The following CNTN5 variants were observed in gnomAD, a reference collection of about 807,000 sequenced individuals.
CNTN5 encodes the protein contactin-5.
CNTN5 carries 77 observed loss-of-function variants against 129.1 expected under a neutral mutation model. The ratio of observed to expected loss-of-function variants is 0.60; its 90% confidence interval spans 0.50 to 0.72. The LOEUF (loss-of-function observed/expected upper bound fraction) is 0.72, where lower values mean the gene tolerates loss of function less well. Among genes scored for constraint, CNTN5 ranks in the 30% least tolerant of loss-of-function variants. The pLI is 0.00. For missense variants in CNTN5, 1,478 were observed against 1,328.8 expected (o/e 1.11, Z -1.75); for synonymous variants, 509 against 465.6 (o/e 1.09, Z -1.20).
chr11:100,056,438 A>G (rs1943227076), intron 9 of CNTN5, among the ~76,000 whole-genome samples: 1 of 151,728 alleles, frequency 6.6e-6, no homozygotes, highest in Non-Finnish European at 1.5e-5. Flanking sequence ...GAAAAAAAAA[A>G]GCTAAAAATA....
chr11:100,349,582 A>G (rs75727669), intron 23 of CNTN5, among the ~76,000 whole-genome samples: 2,659 of 152,004 alleles, frequency 0.017, 36 homozygotes, highest in Middle Eastern at 0.024. Flanking sequence ...TTTCCCAGCC[A>G]GGAAGGTATA....
At chr11:99,587,439 C>G (rs996048816) in intron 3 of CNTN5, among the ~76,000 whole-genome samples, 2 of 152,194 alleles carry the variant, frequency 1.3e-5, no homozygotes, top group Non-Finnish European at 2.9e-5. Flanking sequence ...GCTATGGGAG[C>G]TAGTTCCCTG....
intron 8 of CNTN5, among the ~76,000 whole-genome samples, chr11:99,982,470 G>C (rs957669400): frequency 6.6e-6 from 1 of 152,038 alleles, no homozygotes; most frequent in Non-Finnish European, 1.5e-5. Context: ...GTTTTAATTA[G>C]AATTATGTCT....
At chr11:99,157,140 A>C (rs1344199587) in intron 1 of CNTN5, among the ~76,000 whole-genome samples, 1 of 152,072 alleles carries the variant, frequency 6.6e-6, no homozygotes, top group African/African-American at 2.4e-5. Context: ...TCATTGGGTT[A>C]CAGTATATAT....
chr11:99,364,293 G>A (rs1939309976), intron 2 of CNTN5, among the ~76,000 whole-genome samples: 1 of 152,054 alleles, frequency 6.6e-6, no homozygotes, highest in South Asian at 2.1e-4. Context: ...ACAGTTCACT[G>A]CAATAATACA....
intron 3 of CNTN5, among the ~76,000 whole-genome samples, chr11:99,795,465 A>G (rs1935346962): frequency 6.6e-6 from 1 of 152,110 alleles, no homozygotes; most frequent in African/African-American, 2.4e-5. Context: ...CTGGGGAACT[A>G]GCATGATCAT....
chr11:100,023,501 A>G (rs995758422), intron 9 of CNTN5, among the ~76,000 whole-genome samples: 12 of 152,214 alleles, frequency 7.9e-5, no homozygotes, highest in Non-Finnish European at 1.2e-4. Flanking sequence ...ACCTACAGTG[A>G]CATATTATTA....
Position 100,061,359 on chromosome 11 carries a change from A to G in CNTN5, c.1128A>G (p.Gly376=). The change falls in exon 10 of 25, where the codon GGA becomes GGG. Residue 376 remains glycine, a synonymous_variant. Transcript: ENST00000524871. ...AGTGCAGAGCTGAAAACTCACGTGG[A>G]AAAAATTCCTTTCGTGGACAATTAC... is the stretch of plus-strand genomic sequence containing the variant. ...IYECRAENSR[G]KNSFRGQLQV... 6.3e-7 allele frequency: 1 copy of G among 1,599,668 alleles called. No individual in the cohort carries two copies. Among genetic ancestry groups the G allele is most frequent in the South Asian group, 1.1e-5 (1 of 89,878 alleles).
intron 9 of CNTN5, among the ~76,000 whole-genome samples, chr11:100,047,807 T>G (rs991201130): frequency 6.6e-6 from 1 of 151,042 alleles, no homozygotes; most frequent in Non-Finnish European, 1.5e-5. Context: ...GGACATTATC[T>G]AATCCATTGA....
chr11:99,093,153 T>C (rs2135324199), intron 1 of CNTN5, among the ~76,000 whole-genome samples: 1 of 152,214 alleles, frequency 6.6e-6, no homozygotes. Context: ...TATAGATGAC[T>C]AGAAACAACT....
At chr11:100,088,176 A>G (rs567219614) in intron 13 of CNTN5, among the ~76,000 whole-genome samples, 2 of 152,140 alleles carry the variant, frequency 1.3e-5, no homozygotes, top group East Asian at 3.9e-4. Context: ...CTCAGAGACT[A>G]TTATGAACAC....
At chr11:99,406,411 C>G (rs1591635734) in intron 2 of CNTN5, among the ~76,000 whole-genome samples, 1 of 148,316 alleles carries the variant, frequency 6.7e-6, no homozygotes, top group Non-Finnish European at 1.5e-5. Flanking sequence ...CTCTCTCTCT[C>G]TCTCTCTGTT....
Position 99,809,457 on chromosome 11 carries a change from A to C in CNTN5, c.56-10087A>C, listed in dbSNP as rs1946367435. Reference sequence around the variant, plus strand: ...ATGTGGGATATATAATAATCATTTCACGTTAAATAAATTTTAAATCCTATA... The same window carrying C: ...ATGTGGGATATATAATAATCATTTCCCGTTAAATAAATTTTAAATCCTATA... On this transcript the variant is annotated intron_variant, in intron 3 of 24. Transcript: ENST00000524871. Among the ~76,000 whole-genome samples, 3 of 152,150 alleles carry C rather than the reference A, an allele frequency of 2.0e-5. No individual in the cohort carries two copies. The South Asian group carries it at 6.2e-4, about 31-fold the overall frequency.
chr11:99,524,676 A>G (rs928313712), intron 2 of CNTN5, among the ~76,000 whole-genome samples: 3 of 151,926 alleles, frequency 2.0e-5, no homozygotes, highest in Non-Finnish European at 4.4e-5. Context: ...GATGATGGGT[A>G]CCTGTAATCT....
At chr11:100,129,329 A>G (rs1279687470) in intron 13 of CNTN5, among the ~76,000 whole-genome samples, 1 of 152,144 alleles carries the variant, frequency 6.6e-6, no homozygotes. Flanking sequence ...CTGGGTTTTC[A>G]AAGTAGATTT....
At chr11:99,796,480 C>T (rs1435056073) in intron 3 of CNTN5, among the ~76,000 whole-genome samples, 1 of 152,026 alleles carries the variant, frequency 6.6e-6, no homozygotes, top group African/African-American at 2.4e-5. Context: ...TGACCTGGTG[C>T]ACTTCACAAA....
chr11:99,779,991 GT>G (rs752592770), intron 3 of CNTN5, among the ~76,000 whole-genome samples: 3 of 151,966 alleles, frequency 2.0e-5, no homozygotes, highest in Admixed American at 6.6e-5. Flanking sequence ...ATTGTCCATA[GT>G]TTCTTGATAC....
At chr11:99,805,003 A>G (rs1161003725) in intron 3 of CNTN5, among the ~76,000 whole-genome samples, 1 of 152,048 alleles carries the variant, frequency 6.6e-6, no homozygotes, top group African/African-American at 2.4e-5. Context: ...TATTTGAGAA[A>G]CCATAGGTAA....
chr11:99,357,117 G>A (rs374129423), intron 2 of CNTN5, among the ~76,000 whole-genome samples: 2 of 151,890 alleles, frequency 1.3e-5, no homozygotes. Flanking sequence ...GGCAAATAAA[G>A]AGCCTAAGGA....
Sources: allele counts gnomAD v4.1 joint callset (sites outside exome capture counted in the v4.1 genomes callset), GRCh38; gene constraint gnomAD v4.1.1; transcripts MANE v1.5; gene names NCBI Gene and HGNC (gene_info 2026-07-23, HGNC 2026-07-21).